Variants in BCOR observed in about 807,000 individuals in gnomAD.
BCOR encodes BCL6 corepressor.
Under a neutral mutation model 86.7 loss-of-function variants are expected in BCOR, and 10 were observed. That is an observed-to-expected ratio of 0.12 (90% CI 0.07 to 0.20). The LOEUF (loss-of-function observed/expected upper bound fraction) is 0.20, where lower values mean the gene tolerates loss of function less well. BCOR is among the 10% of genes least tolerant of loss of function. BCOR has a pLI of 1.00. For missense variants in BCOR, 1,259 were observed against 1,452.1 expected, an observed-to-expected ratio of 0.87 and a Z score of 2.16; for synonymous variants, 611 against 609.0, an observed-to-expected ratio of 1.00 and a Z score of -0.05.
chrX:40,139,479 ATATATATATATATATATAT>A (rs1243188419), intron 1 of BCOR, among the ~76,000 whole-genome samples: 1 of 11,883 alleles, frequency 8.4e-5, no homozygotes, highest in African/African-American at 5.6e-4. Context: ...ATATATATAT[ATATATATATATATATATAT>A]TTTTTTTTTT....
intron 6 of BCOR, among the ~76,000 whole-genome samples, chrX:40,068,785 A>G (rs1252669807): frequency 8.9e-6 from 1 of 112,971 alleles, no homozygotes; most frequent in Non-Finnish European, 1.9e-5. Flanking sequence ...AAACTCAGCA[A>G]CCCATACTAT....
intron 1 of BCOR, among the ~76,000 whole-genome samples, chrX:40,117,818 T>A (rs755709730): frequency 9.0e-6 from 1 of 111,053 alleles, no homozygotes; most frequent in African/African-American, 3.3e-5. Context: ...TCTCTGCCAA[T>A]CCCTGAGGCT....
intron 1 of BCOR, among the ~76,000 whole-genome samples, chrX:40,156,436 C>T (rs922920472): frequency 8.9e-6 from 1 of 112,139 alleles, no homozygotes; most frequent in African/African-American, 3.2e-5. Flanking sequence ...TTAGGGCACC[C>T]GGGGCTGCGC....
intron 1 of BCOR, among the ~76,000 whole-genome samples, chrX:40,088,672 T>A (rs189425765): frequency 8.0e-5 from 9 of 112,220 alleles, no homozygotes; most frequent in South Asian, 3.7e-4. Flanking sequence ...GTAATTTTTT[T>A]AAATACATAT....
intron 1 of BCOR, among the ~76,000 whole-genome samples, chrX:40,155,356 G>T (rs867549991): frequency 8.9e-6 from 1 of 112,555 alleles, no homozygotes; most frequent in African/African-American, 3.2e-5. Context: ...AGGGTCGGGG[G>T]CTGCGGAGCA....
At chrX:40,125,982 C>T (rs185728272) in intron 1 of BCOR, among the ~76,000 whole-genome samples, 232 of 108,639 alleles carry the variant, frequency 2.1e-3, no homozygotes, top group African/African-American at 7.2e-3. Context: ...GAGGCCGAGG[C>T]GGGCGGATCA....
At chrX:40,112,630 T>G (rs1937329613) in intron 1 of BCOR, among the ~76,000 whole-genome samples, 1 of 111,459 alleles carries the variant, frequency 9.0e-6, no homozygotes, top group Non-Finnish European at 1.9e-5. Flanking sequence ...CGTTGGCATG[T>G]GTCTCGAACT....
chrX:40,174,255 C>T (rs1357784669), intron 1 of BCOR, among the ~76,000 whole-genome samples: 3 of 112,569 alleles, frequency 2.7e-5, no homozygotes, highest in Non-Finnish European at 5.6e-5. Flanking sequence ...AAGCTGCCAG[C>T]CCCGAGAAAG....
At chrX:40,139,683 C>T (rs751066240) in intron 1 of BCOR, among the ~76,000 whole-genome samples, 38 of 100,311 alleles carry the variant, frequency 3.8e-4, no homozygotes, top group Non-Finnish European at 5.6e-4. Flanking sequence ...TCGTGGCACA[C>T]GCCTGTAATC....
At position 40,054,036 on chromosome X, in the gene BCOR, T is replaced by C. The variant is rs775566362; in HGVS notation, c.4826A>G (p.Asp1609Gly). The change falls in exon 14 of 15, where the codon GAT (aspartate) becomes GGT (glycine). Residue 1609 changes from aspartate to glycine, a missense_variant. Asp to Gly is a moderately conservative substitution (Grantham distance 94). Transcript: ENST00000378444. Reference protein sequence around the residue: ...DFYGSSVCEPDDESGYDVLAN... With the variant: ...DFYGSSVCEPGDESGYDVLAN... Reference sequence around the variant, plus strand: ...TAAAACATCATAGCCACTTTCATCATCTGGTTCTAATGGAGGGCAAATAAG... The same window carrying C: ...TAAAACATCATAGCCACTTTCATCACCTGGTTCTAATGGAGGGCAAATAAG... 12 of 1,209,506 alleles carry C rather than the reference T, an allele frequency of 9.9e-6. No homozygotes were observed. Among genetic ancestry groups the C allele is most frequent in the Non-Finnish European group, 1.3e-5 (12 of 894,909 alleles).
At chrX:40,107,883 G>A (rs1044225008) in intron 1 of BCOR, among the ~76,000 whole-genome samples, 1 of 113,675 alleles carries the variant, frequency 8.8e-6, no homozygotes, top group African/African-American at 3.2e-5. Flanking sequence ...AAGTGTTTCT[G>A]TGCGTTCATA....
chrX:40,066,853 C>A (rs1364715221), intron 6 of BCOR, among the ~76,000 whole-genome samples: 1 of 108,502 alleles, frequency 9.2e-6, no homozygotes, highest in East Asian at 2.9e-4. Context: ...CAAAATGAGG[C>A]AGCAGCTTAG....
At chrX:40,092,380 G>A (rs1457061645) in intron 1 of BCOR, among the ~76,000 whole-genome samples, 1 of 111,196 alleles carries the variant, frequency 9.0e-6, no homozygotes, top group Non-Finnish European at 1.9e-5. Flanking sequence ...ACCCTAGCCG[G>A]AGTTTACGTG....
In BCOR at chrX:40,064,419, C is replaced by T. The variant is rs148834091; in HGVS notation, c.3419G>A (p.Gly1140Asp). 1.9e-5 allele frequency: 23 copies of T among 1,211,167 alleles called. No homozygotes were observed. In the African/African-American group the frequency reaches 3.8e-4, roughly 20 times the overall value. ...LRVDRKRKVS[G>D]DSSHTETTAE... Reference sequence around the variant, plus strand: ...AGTGGTCTCAGTGTGGCTGCTGTCACCTGAGACTTTGCGTTTCCTGTCCAC... The same window carrying T: ...AGTGGTCTCAGTGTGGCTGCTGTCATCTGAGACTTTGCGTTTCCTGTCCAC... The change falls in exon 7 of 15, where the codon GGT becomes GAT. Residue 1140 changes from glycine (G) to aspartate (D), a missense_variant. By Grantham distance (94) the Gly-to-Asp change is moderately conservative. Around this residue, in one of 7 missense-constraint regions of BCOR, gnomAD observed 305 missense variants for 286.1 expected, o/e 1.07. Transcript: ENST00000378444.
At chrX:40,082,739 T>C (rs746765525) in intron 1 of BCOR, among the ~76,000 whole-genome samples, 1 of 112,031 alleles carries the variant, frequency 8.9e-6, no homozygotes, top group African/African-American at 3.2e-5. Flanking sequence ...TGGCACTGTG[T>C]TTTCCAAAGG....
At chrX:40,114,229 G>A (rs1387916535) in intron 1 of BCOR, among the ~76,000 whole-genome samples, 5 of 112,049 alleles carry the variant, frequency 4.5e-5, no homozygotes, top group Admixed American at 3.8e-4. Context: ...GGACTGGTGG[G>A]GAGTGGCTCT....
intron 1 of BCOR, among the ~76,000 whole-genome samples, chrX:40,115,083 A>G (rs1477006255): frequency 1.8e-5 from 2 of 110,405 alleles, no homozygotes; most frequent in East Asian, 5.7e-4. Context: ...CAATCTCTTG[A>G]CCTTGTGATC....
chrX:40,054,289 C>G lies in BCOR; in HGVS notation c.4786G>C (p.Gly1596Arg). Residue 1596 changes from glycine (G) to arginine (R), a missense_variant, in exon 13 of 15, where the codon GGC becomes CGC. Coordinates refer to ENST00000378444, the MANE Select transcript of BCOR (RefSeq NM_001123385.2). ...GAGCTGCCATAGAAGTCCCAAGTGC[C>G]ACTGGCGTCATCATCATTGCGACCC... Reference protein sequence around the residue: ...LQGRNDDDASGTWDFYGSSVC... With the variant: ...LQGRNDDDASRTWDFYGSSVC... The G allele has an allele frequency of 8.3e-7, 1 of 1,207,288 alleles. No individual in the cohort carries two copies. Among genetic ancestry groups the G allele is most frequent in the Non-Finnish European group, 1.1e-6 (1 of 893,549 alleles).
chrX:40,173,406 C>G (rs1313489912), intron 1 of BCOR, among the ~76,000 whole-genome samples: 1 of 112,209 alleles, frequency 8.9e-6, no homozygotes, highest in Non-Finnish European at 1.9e-5. Flanking sequence ...TACAATGCTA[C>G]GTGTGTTTGT....
Sources: allele counts gnomAD v4.1 joint callset (sites outside exome capture counted in the v4.1 genomes callset), GRCh38; gene constraint gnomAD v4.1.1; regional missense constraint gnomAD v4.1.1; transcripts MANE v1.5; gene names NCBI Gene and HGNC (gene_info 2026-07-23, HGNC 2026-07-21).